CDS2: variants seen among roughly 807,000 people sequenced by gnomAD.
CDS2 encodes phosphatidate cytidylyltransferase 2.
A neutral mutation model predicts 59.0 loss-of-function variants in CDS2; 47 were observed. That is an observed-to-expected ratio of 0.80 (90% CI 0.63 to 1.02). The LOEUF (loss-of-function observed/expected upper bound fraction) is 1.02. CDS2 is among the 50% of genes least tolerant of loss of function. The pLI, the probability that CDS2 is intolerant of heterozygous loss-of-function variation, is 0.00. For synonymous variants in CDS2, 207 were observed against 206.4 expected, an observed-to-expected ratio of 1.00 and a Z score of -0.02; for missense variants, 356 against 558.9, an observed-to-expected ratio of 0.64 and a Z score of 3.66.
intron 1 of CDS2, among the ~76,000 whole-genome samples, chr20:5,129,205 A>C (rs1165144798): frequency 6.6e-6 from 1 of 152,140 alleles, no homozygotes; most frequent in Non-Finnish European, 1.5e-5. Context: ...CATTACCGAG[A>C]ACAAGACAAT....
chr20:5,183,266 A>T, intron 7 of CDS2, 123 bp downstream of exon 7: 1 of 753,762 alleles, frequency 1.3e-6, no homozygotes, highest in Non-Finnish European at 2.3e-6. Context: ...GGTTCATTAT[A>T]GCACAGATTG....
rs397866016 is a variant in CDS2 at position 5,163,791 on chromosome 20, CTTTTTTT to C, written c.58-9721_58-9715del. On this transcript the variant is annotated intron_variant, in intron 1 of 12. Transcript: ENST00000460006. ...TGTGGCTTTCATAATTTCTTTCTTTCTTTTTTTTTTTTTTTTTGAAGCAGAGTCTAGC... is the reference window on the plus strand; with the variant it reads ...TGTGGCTTTCATAATTTCTTTCTTTCTTTTTTTTTTGAAGCAGAGTCTAGC... 8.3e-5 allele frequency among the ~76,000 whole-genome samples: 4 copies of C among 47,972 alleles called. No homozygotes were observed. In the East Asian group the frequency reaches 1.5e-3, roughly 18 times the overall value. The allele number at this position is 47,972 out of a possible 152,430, so 31.5% of individuals were successfully genotyped here.
rs902148377 is a variant in CDS2, at chr20:5,194,545, C to G, written c.*4311C>G. 2.0e-5 allele frequency: 3 copies of G among 152,290 alleles called. No individual in the cohort carries two copies. Among genetic ancestry groups the G allele is most frequent in the African/African-American group, 7.2e-5 (3 of 41,448 alleles). 9.4% of individuals were successfully genotyped at this position (152,290 alleles called of 1,614,324 possible). On this transcript the variant is annotated 3_prime_UTR_variant, in exon 13 of 13. Transcript: ENST00000460006. ...AGGCTGTTCTCATCTGGGGCTGTCT[C>G]TTGATTAAGGCTGTCACCTGTTTGT... is the stretch of plus-strand genomic sequence containing the variant.
intron 1 of CDS2, among the ~76,000 whole-genome samples, chr20:5,127,605 C>T (rs1315356655): frequency 6.6e-6 from 1 of 152,184 alleles, no homozygotes; most frequent in Non-Finnish European, 1.5e-5. Context: ...ATAGCATTTG[C>T]CTCCTGGGAG....
At chr20:5,155,462 T>C (rs1472581582) in intron 1 of CDS2, among the ~76,000 whole-genome samples, 2 of 151,892 alleles carry the variant, frequency 1.3e-5, no homozygotes, top group African/African-American at 4.8e-5. Flanking sequence ...GGTGCCCTCT[T>C]ACTGTAAATA....
Position 5,185,808 on chromosome 20 carries a change from T to A in CDS2, c.810T>A (p.Thr270=). ...WEGFIGGFFA[T]VVFGLLLSYV... is the part of the protein sequence containing the mutation. ...GCTTCATTGGGGGCTTCTTTGCTAC[T>A]GTGGTGTTTGGCCTTCTGGTAGGTG... is the stretch of plus-strand genomic sequence containing the variant. Residue 270 remains threonine (T), a synonymous_variant, in exon 9 of 13, where the codon ACT becomes ACA. Coordinates refer to ENST00000460006, the MANE Select transcript of CDS2 (RefSeq NM_003818.4). 6.2e-7 allele frequency: 1 copy of A among 1,614,242 alleles called. No homozygotes were observed. The highest frequency in any genetic ancestry group is 8.5e-7 in the Non-Finnish European group (1 of 1,180,018).
chr20:5,164,252 A>G (rs2090897572), intron 1 of CDS2, among the ~76,000 whole-genome samples: 1 of 152,158 alleles, frequency 6.6e-6, no homozygotes, highest in Admixed American at 6.5e-5. Context: ...GAATACTACA[A>G]AAGTGACAAT....
chr20:5,131,449 G>A (rs950544483), intron 1 of CDS2, among the ~76,000 whole-genome samples: 1 of 152,222 alleles, frequency 6.6e-6, no homozygotes, highest in Admixed American at 6.5e-5. Context: ...GGAAAGCAAA[G>A]GATGAGATAT....
chr20:5,148,655 A>G (rs2090763988), intron 1 of CDS2, among the ~76,000 whole-genome samples: 2 of 152,304 alleles, frequency 1.3e-5, no homozygotes, highest in African/African-American at 2.4e-5. Context: ...ATGCCCTGCA[A>G]TCCCTCCTCA....
Position 5,196,991 on chromosome 20 carries a change from A to G in CDS2, c.*6757A>G, listed in dbSNP as rs1242222747. ...GCCACGGAGGGGCCAGGAGTCTCAC[A>G]GTGGAGGGCAGACTCTAACAGATGC... On this transcript the variant is annotated 3_prime_UTR_variant, in exon 13 of 13. Coordinates refer to ENST00000460006, the MANE Select transcript of CDS2 (RefSeq NM_003818.4). The G allele has an allele frequency of 6.6e-6, 1 of 152,382 alleles. No homozygotes were observed. The highest frequency in any genetic ancestry group is 2.1e-4 in the South Asian group (1 of 4,824). The allele number at this position is 152,382 out of a possible 1,614,324, so 9.4% of individuals were successfully genotyped here. A position where few individuals can be genotyped will look rare whatever the true frequency, so the allele number is the denominator to read the frequency against.
At chr20:5,162,506 A>G (rs565460456) in intron 1 of CDS2, among the ~76,000 whole-genome samples, 28 of 152,302 alleles carry the variant, frequency 1.8e-4, no homozygotes, top group South Asian at 4.1e-4. Context: ...TTTACGGACA[A>G]TGTCAAAAGT....
rs371877293 is a variant in CDS2, at chr20:5,127,670, C to T, written c.57+521C>T. ...TCGGCTTTGAGCAAAGGGGTGTTAC[C>T]CAGTGAGCCAGTCCGTCATCAGCAG... On this transcript the variant is annotated intron_variant, in intron 1 of 12. Coordinates refer to ENST00000460006, the MANE Select transcript of CDS2 (RefSeq NM_003818.4). 7.2e-5 allele frequency among the ~76,000 whole-genome samples: 11 copies of T among 152,164 alleles called. No individual in the cohort carries two copies. In the South Asian group the frequency reaches 2.3e-3, roughly 32 times the overall value.
chr20:5,127,506 G>A (rs1308610857), intron 1 of CDS2, among the ~76,000 whole-genome samples: 1 of 152,214 alleles, frequency 6.6e-6, no homozygotes, highest in Non-Finnish European at 1.5e-5. Context: ...AGCCTTCTTA[G>A]GGAGGCGGCT....
At chr20:5,165,085 A>T (rs1327586650) in intron 1 of CDS2, among the ~76,000 whole-genome samples, 4 of 152,202 alleles carry the variant, frequency 2.6e-5, no homozygotes, top group Non-Finnish European at 5.9e-5. Context: ...ACTGGCAGTC[A>T]TGCAGAGGTT....
chr20:5,185,659 TG>T, intron 8 of CDS2, 98 bp from the exon 9 acceptor site: 1 of 1,035,468 alleles, frequency 9.7e-7, no homozygotes, highest in Non-Finnish European at 1.5e-6. Flanking sequence ...GTTAAGAGAA[TG>T]GGGTTTTATG....
chr20:5,185,723 A>G, intron 8 of CDS2, 35 bp from the exon 9 acceptor site: 1 of 1,595,188 alleles, frequency 6.3e-7, no homozygotes, highest in South Asian at 1.1e-5. Flanking sequence ...AGTTATCAAA[A>G]CACCCTTTGC....
intron 1 of CDS2, among the ~76,000 whole-genome samples, chr20:5,136,796 ATTC>A (rs1158213907): frequency 1.3e-5 from 2 of 151,930 alleles, no homozygotes; most frequent in African/African-American, 2.4e-5. Flanking sequence ...TTTCCTTCCA[ATTC>A]TTGTTTTAGG....
At chr20:5,186,028 C>T (rs779237487) in intron 9 of CDS2, among the ~76,000 whole-genome samples, 3 of 152,262 alleles carry the variant, frequency 2.0e-5, no homozygotes, top group Non-Finnish European at 4.4e-5. Context: ...AGAGCACCTT[C>T]TATGCCCTCT....
rs191345911 is a variant in CDS2, at chr20:5,135,094, T to C, written c.57+7945T>C. 2.6e-5 allele frequency among the ~76,000 whole-genome samples: 4 copies of C among 152,194 alleles called. No individual in the cohort carries two copies. In the East Asian group the frequency reaches 7.7e-4, roughly 29 times the overall value. ...CTAATTTCTTTTTTGAATTTATATA[T>C]ATAAATATATACATACTTATTTTAT... is the stretch of plus-strand genomic sequence containing the variant. On this transcript the variant is annotated intron_variant, in intron 1 of 12. Coordinates refer to ENST00000460006, the MANE Select transcript of CDS2 (RefSeq NM_003818.4).
Sources: gnomAD v4.1 joint callset for allele counts (sites outside exome capture counted in the v4.1 genomes callset) on GRCh38, gnomAD v4.1.1 for gene constraint, MANE v1.5 for transcripts, NCBI Gene and HGNC (gene_info 2026-07-23, HGNC 2026-07-21) for gene names.